TM9SF3: variants seen among roughly 807,000 people sequenced by gnomAD.
The protein encoded by TM9SF3 is transmembrane 9 superfamily member 3, also known as SM-11044-binding protein.
A neutral mutation model predicts 78.6 loss-of-function variants in TM9SF3; 14 were observed. The ratio of observed to expected loss-of-function variants is 0.18; its 90% CI spans 0.12 to 0.28. The LOEUF (loss-of-function observed/expected upper bound fraction) is 0.28. Ranked by LOEUF, TM9SF3 falls within the 10% of genes least tolerant of loss-of-function variation. The pLI, the probability that TM9SF3 is intolerant of heterozygous loss-of-function variation, is 1.00. For missense variants in TM9SF3, 496 were observed against 721.9 expected, an observed-to-expected ratio of 0.69 and a Z score of 3.59; for synonymous variants, 231 against 241.7, an observed-to-expected ratio of 0.96 and a Z score of 0.41.
chr10:96,534,869 G>T (rs1041936104), intron 9 of TM9SF3, among the ~76,000 whole-genome samples: 1 of 152,080 alleles, frequency 6.6e-6, no homozygotes, highest in Non-Finnish European at 1.5e-5. Context: ...TCAGAATAAA[G>T]TTTCTCCTGC....
At chr10:96,529,434 T>A (rs1388677799) in intron 11 of TM9SF3, among the ~76,000 whole-genome samples, 1 of 152,130 alleles carries the variant, frequency 6.6e-6, no homozygotes, top group Admixed American at 6.6e-5. Flanking sequence ...GAGTCCCTTT[T>A]AAAAAGTTAT....
chr10:96,547,064 T>C (rs1848109997), intron 8 of TM9SF3, among the ~76,000 whole-genome samples: 2 of 152,164 alleles, frequency 1.3e-5, no homozygotes, highest in Admixed American at 6.5e-5. Context: ...GTTCCATCAA[T>C]TTCAGGTAAT....
At chr10:96,554,433 A>AGC in intron 5 of TM9SF3, among the ~76,000 whole-genome samples, 1 of 152,274 alleles carries the variant, frequency 6.6e-6, no homozygotes, top group East Asian at 1.9e-4. Flanking sequence ...AAACCGATTC[A>AGC]GCAGCCAATT....
At position 96,518,792 on chromosome 10, in the gene TM9SF3, C is replaced by A. The variant is rs1434895556; in HGVS notation, c.*3471G>T. On this transcript the variant is annotated 3_prime_UTR_variant, in exon 15 of 15. Transcript: ENST00000371142. ...TAAGTCTAGTTTATTTCTGTACACACTTCCAAATACTCTTCATAAATTTTC... is the reference window on the plus strand; with the variant it reads ...TAAGTCTAGTTTATTTCTGTACACAATTCCAAATACTCTTCATAAATTTTC... 1.3e-5 allele frequency: 2 copies of A among 152,078 alleles called. No individual in the cohort carries two copies. Among genetic ancestry groups the A allele is most frequent in the Non-Finnish European group, 2.9e-5 (2 of 67,972 alleles). 9.4% of individuals were successfully genotyped at this position (152,078 alleles called of 1,614,324 possible).
chr10:96,556,225 T>C (rs1018617779), intron 5 of TM9SF3, among the ~76,000 whole-genome samples: 2 of 97,788 alleles, frequency 2.0e-5, no homozygotes, highest in African/African-American at 8.0e-5. Flanking sequence ...ATCCTGAAGC[T>C]GCACCCTCAA....
rs79372361 is a variant in TM9SF3, at chr10:96,562,080, T to C, written c.480A>G (p.Lys160=). 6.0e-5 allele frequency: 96 copies of C among 1,613,268 alleles called. 3 individuals are homozygous for C. The African/African-American group carries it at 8.8e-4, about 15-fold the overall frequency. The change falls in exon 4 of 15, where the codon AAA becomes AAG. Residue 160 remains lysine, a synonymous_variant. Transcript: ENST00000371142. ...GATTTCCATTAAAACCTATTTCAAG[T>C]TTTTTATAGGTCCAAAGATAGTAAT... ...GEDYYLWTYK[K]LEIGFNGNRI...
rs1847729655 is a variant in TM9SF3, at chr10:96,519,114, A to G, written c.*3149T>C. ...CATTAATACACTTTTTGTTTTTTAC[A>G]TTTGTAAAAATTCAAGGTTTTAATA... On this transcript the variant is annotated 3_prime_UTR_variant, in exon 15 of 15. Transcript: ENST00000371142. The G allele has an allele frequency of 6.6e-6, 1 of 152,052 alleles. No homozygotes were observed. The highest frequency in any genetic ancestry group is 6.6e-5 in the Admixed American group (1 of 15,254). The allele number at this position is 152,052 out of a possible 1,614,324, so 9.4% of individuals were successfully genotyped here.
chr10:96,570,356 T>C (rs1848425718), intron 2 of TM9SF3, among the ~76,000 whole-genome samples: 1 of 152,224 alleles, frequency 6.6e-6, no homozygotes, highest in Non-Finnish European at 1.5e-5. Context: ...ATGGTAATTA[T>C]ATCCAGGTTT....
chr10:96,578,258 G>C (rs746631159), intron 1 of TM9SF3, among the ~76,000 whole-genome samples: 10 of 152,142 alleles, frequency 6.6e-5, no homozygotes, highest in Non-Finnish European at 1.3e-4. Context: ...GAACACATGT[G>C]ACAGGTACCA....
intron 4 of TM9SF3, chr10:96,560,507 A>C (rs1280852062): frequency 1.9e-5 from 14 of 741,224 alleles, no homozygotes; most frequent in Non-Finnish European, 2.9e-5. Context: ...GTTCAGGGCC[A>C]GTGTATATTA....
chr10:96,567,245 C>T (rs1466093819), intron 2 of TM9SF3, among the ~76,000 whole-genome samples: 2 of 151,738 alleles, frequency 1.3e-5, no homozygotes, highest in Non-Finnish European at 2.9e-5. Flanking sequence ...CCACCAGGCC[C>T]GACTAATTTT....
chr10:96,562,148 A>C lies in TM9SF3; in HGVS notation c.422-10T>G. 1 of 1,602,422 alleles carries C rather than the reference A, an allele frequency of 6.2e-7. No homozygotes were observed. Among genetic ancestry groups the C allele is most frequent in the South Asian group, 1.1e-5 (1 of 89,880 alleles). ...GCCTCACCAACAATACCTACAAAAG[A>C]AAAAACACTTTATACAAGGTAAAAC... On this transcript the variant is annotated splice_polypyrimidine_tract_variant and intron_variant, in intron 3 of 14. Transcript: ENST00000371142.
chr10:96,586,657 C>A (rs1203866727), intron 1 of TM9SF3, 77 bp downstream of exon 1: 8 of 1,164,716 alleles, frequency 6.9e-6, no homozygotes, highest in Non-Finnish European at 8.6e-6. Context: ...GCCGGGCACT[C>A]CAGGCTGCGT....
At chr10:96,532,923 T>C in intron 10 of TM9SF3, 128 bp downstream of exon 10, 1 of 1,183,780 alleles carries the variant, frequency 8.4e-7, no homozygotes, top group Non-Finnish European at 1.2e-6. Context: ...AAAATGAACT[T>C]CTTAGGCTCA....
rs1266615411 is a variant in TM9SF3, at chr10:96,543,993, T to C, written c.1185+83A>G. ...TGACTGAAACCATCAAAACATCTAATAAGAAGTATTTTGGAGGGTGAGTAG... is the reference window on the plus strand; with the variant it reads ...TGACTGAAACCATCAAAACATCTAACAAGAAGTATTTTGGAGGGTGAGTAG... On this transcript the variant is annotated intron_variant, in intron 9 of 14. Coordinates refer to ENST00000371142, the MANE Select transcript of TM9SF3 (RefSeq NM_020123.4). The C allele has an allele frequency of 4.3e-6, 6 of 1,391,892 alleles. No homozygotes were observed. In the African/African-American group the frequency reaches 7.2e-5, roughly 17 times the overall value. 86.2% of individuals were successfully genotyped at this position (1,391,892 alleles called of 1,614,324 possible). A position where few individuals can be genotyped will look rare whatever the true frequency, so the allele number is the denominator to read the frequency against.
In TM9SF3 at chr10:96,551,421, A is replaced by T; in HGVS notation, c.793-10T>A. The T allele has an allele frequency of 2.0e-6, 3 of 1,516,182 alleles. No homozygotes were observed. The highest frequency in any genetic ancestry group is 1.3e-5 in the South Asian group (1 of 79,048). The allele number at this position is 1,516,182 out of a possible 1,614,324, so 93.9% of individuals were successfully genotyped here. ...CTCCTAGGTCTCTATCCTATATACA[A>T]ATATATATATAGAGAGAGAAAAGCA... On this transcript the variant is annotated splice_polypyrimidine_tract_variant and intron_variant, in intron 6 of 14. Coordinates refer to ENST00000371142, the MANE Select transcript of TM9SF3 (RefSeq NM_020123.4).
Position 96,576,648 on chromosome 10 carries a change from T to A in TM9SF3, c.284A>T (p.Asp95Val), listed in dbSNP as rs1316720893. The A allele has an allele frequency of 2.5e-6, 4 of 1,596,372 alleles. No individual in the cohort carries two copies. In the South Asian group the frequency reaches 3.4e-5, roughly 14 times the overall value. Residue 95 changes from aspartate (D) to valine (V), a missense_variant, in exon 2 of 15, where the codon GAT (aspartate) becomes GTT (valine). Asp to Val is a radical substitution (Grantham distance 152). Transcript: ENST00000371142. Reference protein sequence around the residue: ...QGVELEFSGLDIKFKDDVMPA... With the variant: ...QGVELEFSGLVIKFKDDVMPA... ...GGTTTACTTACCTTTAAATTTAATA[T>A]CCAGACCACTAAATTCCAATTCAAC...
At chr10:96,550,170 A>C (rs910593513) in intron 7 of TM9SF3, among the ~76,000 whole-genome samples, 14 of 152,246 alleles carry the variant, frequency 9.2e-5, no homozygotes, top group Non-Finnish European at 1.9e-4. Context: ...CCAATGCTAC[A>C]GAGAAATAGC....
intron 5 of TM9SF3, among the ~76,000 whole-genome samples, chr10:96,558,645 CAA>C (rs1202672629): frequency 1.7e-4 from 15 of 88,088 alleles, no homozygotes; most frequent in Admixed American, 2.5e-4. Flanking sequence ...GGCTCTGTCT[CAA>C]AAAAAAAAAA....
Sources: gnomAD v4.1 joint callset for allele counts (sites outside exome capture counted in the v4.1 genomes callset) on GRCh38, gnomAD v4.1.1 for gene constraint, MANE v1.5 for transcripts, NCBI Gene and HGNC (gene_info 2026-07-23, HGNC 2026-07-21) for gene names.